MMP7: variants seen among roughly 807,000 people sequenced by gnomAD.
MMP7 encodes the protein matrilysin.
A neutral mutation model predicts 31.5 loss-of-function variants in MMP7; 26 were observed. The observed-to-expected ratio is 0.83, with a 90% CI of 0.61 to 1.15. MMP7 has a LOEUF of 1.15. Ranked by LOEUF, MMP7 falls within the 50% of genes most tolerant of loss-of-function variation. The pLI is 0.00. For missense variants in MMP7, 367 were observed against 326.5 expected, an observed-to-expected ratio of 1.12 and a Z score of -0.96; for synonymous variants, 142 against 124.2, an observed-to-expected ratio of 1.14 and a Z score of -0.95.
At chr11:102,520,875 G>A (rs1858605721) in intron 5 of MMP7, 71 bp from the exon 6 acceptor site, 1 of 1,005,632 alleles carries the variant, frequency 9.9e-7, no homozygotes, top group African/African-American at 1.6e-5. Flanking sequence ...GATTATACAG[G>A]CAAAGGAAAT....
intron 1 of MMP7, among the ~76,000 whole-genome samples, chr11:102,529,625 ATG>A: frequency 6.6e-6 from 1 of 152,344 alleles, no homozygotes. Flanking sequence ...GTCTAAGTTA[ATG>A]TGAATTAAAA....
At chr11:102,524,461 C>T (rs977238530) in intron 4 of MMP7, 1 of 152,186 alleles carries the variant, frequency 6.6e-6, no homozygotes, top group African/African-American at 2.4e-5. Context: ...ATTGCATATA[C>T]TTCTCAAATA....
At chr11:102,526,225 A>ATATAT (rs538271620) in intron 3 of MMP7, among the ~76,000 whole-genome samples, 22 of 128,018 alleles carry the variant, frequency 1.7e-4, no homozygotes, top group Non-Finnish European at 3.4e-4. Context: ...AAAAAAAAAA[A>ATATAT]ATATATATAT....
At chr11:102,520,909 T>C in intron 5 of MMP7, 105 bp from the exon 6 acceptor site, 1 of 734,340 alleles carries the variant, frequency 1.4e-6, no homozygotes, top group East Asian at 2.7e-5. Context: ...TAATCTATTA[T>C]TCACTCAGAC....
At chr11:102,523,989 A>T (rs1858641614) in intron 4 of MMP7, among the ~76,000 whole-genome samples, 1 of 152,214 alleles carries the variant, frequency 6.6e-6, no homozygotes, top group Non-Finnish European at 1.5e-5. Context: ...ATTTTGATTC[A>T]TTAACTTGTA....
In MMP7 at chr11:102,525,045, TG is replaced by T; in HGVS notation, c.503del (p.Pro168HisfsTer37). 2 of 1,609,900 alleles carry T rather than the reference TG, an allele frequency of 1.2e-6. No homozygotes were observed. The highest frequency in any genetic ancestry group is 1.7e-6 in the Non-Finnish European group (2 of 1,178,730). On this transcript the variant is annotated frameshift_variant, in exon 4 of 6. Coordinates refer to ENST00000260227, the MANE Select transcript of MMP7 (RefSeq NM_002423.5). LOFTEE classifies it high-confidence loss of function. ...CCAGCGTGTTTCCTGGCCCATCAAATGGGTAGGAGTCCCCATGAGCTGAAAG... is the reference window on the plus strand; with the variant it reads ...CCAGCGTGTTTCCTGGCCCATCAAATGGTAGGAGTCCCCATGAGCTGAAAG... ...FARGAHGDSY[P>X]FDGPGNTLAH...
At chr11:102,520,970 A>G (rs1330576667) in intron 5 of MMP7, among the ~76,000 whole-genome samples, 166 bp from the exon 6 acceptor site, 2 of 152,232 alleles carry the variant, frequency 1.3e-5, no homozygotes. Flanking sequence ...CCAGAGGCTA[A>G]GAAGGCAGGA....
chr11:102,526,235 T>G (rs1858670652), intron 3 of MMP7, among the ~76,000 whole-genome samples: 1 of 131,534 alleles, frequency 7.6e-6, no homozygotes, highest in Non-Finnish European at 1.5e-5. Context: ...AATATATATA[T>G]ATATATTTTT....
chr11:102,520,862 T>C, intron 5 of MMP7, 58 bp from the exon 6 acceptor site: 8 of 1,164,716 alleles, frequency 6.9e-6, no homozygotes, highest in Non-Finnish European at 9.9e-6. Context: ...AAAACCATCC[T>C]AAGATTATAC....
Position 102,524,279 on chromosome 11 carries a change from T to C in MMP7, c.613+657A>G, listed in dbSNP as rs1591592124. On this transcript the variant is annotated intron_variant, in intron 4 of 5. Coordinates refer to ENST00000260227, the MANE Select transcript of MMP7 (RefSeq NM_002423.5). ...CAAACACAAGTACAAATTTCCCTTT[T>C]AGGGCCAGTTGGTAGCCTTAAAAAA... 3 of 152,340 alleles carry C rather than the reference T, an allele frequency of 2.0e-5. No homozygotes were observed. The East Asian group carries it at 5.8e-4, about 29-fold the overall frequency. 9.4% of individuals were successfully genotyped at this position (152,340 alleles called of 1,614,324 possible).
chr11:102,524,922 A>C lies in MMP7; in HGVS notation c.613+14T>G, dbSNP rs755882359. Reference sequence around the variant, plus strand: ...AAAACGGATGTGGAGTAGAAGAGACATGAGATGCTATACCTAGACTGCTAC... The same window carrying C: ...AAAACGGATGTGGAGTAGAAGAGACCTGAGATGCTATACCTAGACTGCTAC... On this transcript the variant is annotated intron_variant, in intron 4 of 5. Coordinates refer to ENST00000260227, the MANE Select transcript of MMP7 (RefSeq NM_002423.5). The C allele has an allele frequency of 2.5e-6, 4 of 1,610,186 alleles. No individual in the cohort carries two copies. Among genetic ancestry groups the C allele is most frequent in the Non-Finnish European group, 3.4e-6 (4 of 1,178,504 alleles).
At chr11:102,525,335 G>C (rs1034625497) in intron 3 of MMP7, among the ~76,000 whole-genome samples, 6 of 152,040 alleles carry the variant, frequency 3.9e-5, no homozygotes, top group African/African-American at 1.4e-4. Context: ...CCAGCTACTT[G>C]GGAGGCTGAG....
chr11:102,524,766 T>TGG (rs10693946), intron 4 of MMP7, 170 bp downstream of exon 4: 116,088 of 603,858 alleles, frequency 0.19, 12,663 homozygotes, highest in Non-Finnish European at 0.22. Flanking sequence ...ATCTTCTGTG[T>TGG]GTAGCATTAT....
rs770337178 is a variant in MMP7 at position 102,520,813 on chromosome 11, AG to A, written c.776-10del. ...TGAATTACTTCTCTTTCCTATTGAG[AG>A]AAAAAAAAAGAACATTCTGATATGT... On this transcript the variant is annotated splice_polypyrimidine_tract_variant and intron_variant, in intron 5 of 5. Transcript: ENST00000260227. The A allele has an allele frequency of 6.5e-7, 1 of 1,534,412 alleles. No individual in the cohort carries two copies.
chr11:102,528,009 A>G (rs368410880), intron 1 of MMP7, 26 bp from the exon 2 acceptor site: 174 of 1,519,516 alleles, frequency 1.1e-4, no homozygotes, highest in Middle Eastern at 1.9e-4. Context: ...TAATTAATCT[A>G]TAGTTCTTGT....
intron 4 of MMP7, chr11:102,524,658 G>T (rs1156475830): frequency 1.4e-5 from 3 of 208,890 alleles, no homozygotes; most frequent in Non-Finnish European, 1.9e-5. Flanking sequence ...GGAAACTGAG[G>T]CTCAGAGAAA....
At position 102,525,176 on chromosome 11, in the gene MMP7, C is replaced by T. The variant is rs1006246640; in HGVS notation, c.485-112G>A. On this transcript the variant is annotated intron_variant, in intron 3 of 5. Transcript: ENST00000260227. ...CTAGAAAAAGCAGCCCAGTCCAGGC[C>T]AGGCATGGTGGCTCACTTTGCGAGG... is the stretch of plus-strand genomic sequence containing the variant. 6.0e-6 allele frequency: 8 copies of T among 1,342,264 alleles called. No homozygotes were observed. In the African/African-American group the frequency reaches 1.2e-4, roughly 20 times the overall value. 83.1% of individuals were successfully genotyped at this position (1,342,264 alleles called of 1,614,324 possible). A position where few individuals can be genotyped will look rare whatever the true frequency, so the allele number is the denominator to read the frequency against.
At chr11:102,521,431 C>T (rs79533256) in intron 5 of MMP7, among the ~76,000 whole-genome samples, 297 of 152,254 alleles carry the variant, frequency 2.0e-3, no homozygotes, top group African/African-American at 6.9e-3. Context: ...TGGCCTCAAG[C>T]GATCCCCAAC....
At chr11:102,521,051 C>T (rs1858607760) in intron 5 of MMP7, among the ~76,000 whole-genome samples, 1 of 152,118 alleles carries the variant, frequency 6.6e-6, no homozygotes, top group Non-Finnish European at 1.5e-5. Flanking sequence ...AGATGTGTGA[C>T]CTTAGGTAGT....
Sources: allele counts gnomAD v4.1 joint callset (sites outside exome capture counted in the v4.1 genomes callset), GRCh38; gene constraint gnomAD v4.1.1; transcripts MANE v1.5; gene names NCBI Gene and HGNC (gene_info 2026-07-23, HGNC 2026-07-21).